The following F11 variants were observed in gnomAD, a reference collection of about 807,000 sequenced individuals.
F11 encodes coagualtion factor XI.
In F11, 78 loss-of-function variants were observed where a neutral mutation model predicts 76.5. The ratio of observed to expected loss-of-function variants is 1.02; its 90% CI spans 0.85 to 1.23. F11 has a LOEUF of 1.23. Ranked by LOEUF, F11 falls within the 50% of genes most tolerant of loss-of-function variation. The pLI is 0.00. For missense variants in F11, 742 were observed against 771.4 expected (o/e 0.96, Z 0.45); for synonymous variants, 278 against 276.3 (o/e 1.01, Z -0.06).
At chr4:186,283,964 T>G in intron 10 of F11, 128 bp from the exon 11 acceptor site, 1 of 1,450,654 alleles carries the variant, frequency 6.9e-7, no homozygotes, top group East Asian at 2.3e-5. Flanking sequence ...GATTATAAAG[T>G]CTCTGTAACT....
intron 12 of F11, 39 bp downstream of exon 12, chr4:186,285,852 G>C: frequency 6.2e-7 from 1 of 1,605,516 alleles, no homozygotes; most frequent in Non-Finnish European, 8.5e-7. Context: ...CTCCAATGGT[G>C]AACTGGATAA....
rs1741315380 is a variant in F11 at position 186,287,740 on chromosome 4, T to C, written c.1633T>C (p.Cys545Arg). The C allele has an allele frequency of 1.2e-6, 2 of 1,613,092 alleles. No homozygotes were observed. The highest frequency in any genetic ancestry group is 1.7e-6 in the Non-Finnish European group (2 of 1,179,764). The stretch of plus-strand genomic sequence containing the variant: ...GATACCCTTAGTGACCAACGAAGAG[T>C]GCCAGAAGAGATACAGAGGACATAA... ...AKIPLVTNEE[C>R]QKRYRGHKIT... The change falls in exon 14 of 15, where the codon TGC becomes CGC. Residue 545 changes from cysteine (C) to arginine (R), a missense_variant. Transcript: ENST00000403665.
At chr4:186,287,125 C>A (rs1051006543) in intron 13 of F11, among the ~76,000 whole-genome samples, 5 of 151,844 alleles carry the variant, frequency 3.3e-5, no homozygotes, top group Admixed American at 6.6e-5. Flanking sequence ...AGGTACCCAA[C>A]CACCACCCCA....
chr4:186,281,834 G>A, intron 10 of F11: 1 of 1,186,338 alleles, frequency 8.4e-7, no homozygotes, highest in South Asian at 1.6e-5. Flanking sequence ...TACCGAGAAG[G>A]CGAATCAATC....
intron 10 of F11, among the ~76,000 whole-genome samples, chr4:186,281,115 C>G (rs751447081): frequency 6.6e-6 from 1 of 152,086 alleles, no homozygotes; most frequent in Non-Finnish European, 1.5e-5. Flanking sequence ...CTTTGGCCTC[C>G]CAAAGTTCTG....
intron 6 of F11, 41 bp downstream of exon 6, chr4:186,275,937 T>C (rs959263144): frequency 6.9e-7 from 1 of 1,449,184 alleles, no homozygotes. Flanking sequence ...AACCATTAAA[T>C]ATGCTGATGA....
chr4:186,273,983 C>A, intron 4 of F11, 133 bp from the exon 5 acceptor site: 1 of 902,456 alleles, frequency 1.1e-6, no homozygotes, highest in South Asian at 1.4e-5. Context: ...AAGAATTTTG[C>A]AGATTAATAT....
chr4:186,279,471 T>C (rs1275195126), intron 7 of F11, among the ~76,000 whole-genome samples: 2 of 152,216 alleles, frequency 1.3e-5, no homozygotes, highest in Admixed American at 1.3e-4. Flanking sequence ...CACATGTAGT[T>C]GGCAGTTACT....
At chr4:186,269,225 A>G (rs1739734997) in intron 2 of F11, among the ~76,000 whole-genome samples, 1 of 152,236 alleles carries the variant, frequency 6.6e-6, no homozygotes, top group Non-Finnish European at 1.5e-5. Context: ...TCAAAAATCA[A>G]TAGATGTGTG....
chr4:186,274,242 A>G lies in F11; in HGVS notation c.452A>G (p.Tyr151Cys), dbSNP rs281875273. 1.4e-5 allele frequency: 22 copies of G among 1,614,228 alleles called. No individual in the cohort carries two copies. Among genetic ancestry groups the G allele is most frequent in the Non-Finnish European group, 1.9e-5 (22 of 1,180,034 alleles). ...TDDVHCHFFT[Y>C]ATRQFPSLEH... The stretch of plus-strand genomic sequence containing the variant: ...GACGTCCACTGCCACTTTTTCACGT[A>G]CGCCACAAGGCAGTTTCCCAGCCTG... The change falls in exon 5 of 15, where the codon TAC becomes TGC. Residue 151 changes from tyrosine to cysteine, a missense_variant. Transcript: ENST00000403665.
In F11 at chr4:186,289,030, T is replaced by C. The variant is rs1287159915; in HGVS notation, c.*416T>C. The C allele has an allele frequency of 5.0e-6, 1 of 198,930 alleles. No homozygotes were observed. The highest frequency in any genetic ancestry group is 1.0e-5 in the Non-Finnish European group (1 of 96,990). 12.3% of individuals were successfully genotyped at this position (198,930 alleles called of 1,614,324 possible). A position where few individuals can be genotyped will look rare whatever the true frequency, so the allele number is the denominator to read the frequency against. ...GGAAGAAAGGAGAACAAAGACAGTC[T>C]TCACCATTTTGCAGGAATCTACACT... On this transcript the variant is annotated 3_prime_UTR_variant, in exon 15 of 15. Transcript: ENST00000403665.
In F11 at chr4:186,276,292, G is replaced by A. The variant is rs1740374755; in HGVS notation, c.657G>A (p.Met219Ile). Reference protein sequence around the residue: ...VFADSNIDSVMAPDAFVCGRI... With the variant: ...VFADSNIDSVIAPDAFVCGRI... ...CAGACAGCAACATCGACAGTGTCAT[G>A]GCTCCCGATGCTTTTGTCTGTGGCC... The change falls in exon 7 of 15, where the codon ATG (methionine) becomes ATA (isoleucine). Residue 219 changes from methionine to isoleucine, a missense_variant. Transcript: ENST00000403665. The A allele has an allele frequency of 6.2e-7, 1 of 1,614,086 alleles. No individual in the cohort carries two copies. The highest frequency in any genetic ancestry group is 8.5e-7 in the Non-Finnish European group (1 of 1,180,012).
At position 186,270,305 on chromosome 4, in the gene F11, T is replaced by C. The variant is rs370326063; in HGVS notation, c.56-1304T>C. ...ATGTGTTCCATGTGTTCCACATCCA[T>C]GCACTCAAACAACCTTGACGTGAAA... is the stretch of plus-strand genomic sequence containing the variant. On this transcript the variant is annotated intron_variant, in intron 2 of 14. Coordinates refer to ENST00000403665, the MANE Select transcript of F11 (RefSeq NM_000128.4). 3.9e-5 allele frequency among the ~76,000 whole-genome samples: 6 copies of C among 152,354 alleles called. No individual in the cohort carries two copies. In the East Asian group the frequency reaches 5.8e-4, roughly 15 times the overall value.
chr4:186,267,998 T>C (rs887265664), intron 2 of F11, among the ~76,000 whole-genome samples: 6 of 152,214 alleles, frequency 3.9e-5, no homozygotes, highest in African/African-American at 1.4e-4. Flanking sequence ...CTGGAAATTG[T>C]ATTGTTATTT....
At chr4:186,273,221 C>A in intron 4 of F11, 44 bp downstream of exon 4, 1 of 1,361,342 alleles carries the variant, frequency 7.3e-7, no homozygotes, top group South Asian at 1.2e-5. Flanking sequence ...CTGTGATGTA[C>A]ACATATCGCC....
rs1037131052 is a variant in F11 at position 186,284,121 on chromosome 4, G to A, written c.1165G>A (p.Val389Ile). The A allele has an allele frequency of 5.6e-6, 9 of 1,614,216 alleles. No homozygotes were observed. The highest frequency in any genetic ancestry group is 4.5e-5 in the East Asian group (2 of 44,874). Residue 389 changes from valine (V) to isoleucine (I), a missense_variant, in exon 11 of 15, where the codon GTT becomes ATT. Physicochemically the swap from Val to Ile is conservative, Grantham distance 29. Coordinates refer to ENST00000403665, the MANE Select transcript of F11 (RefSeq NM_000128.4). ...TACCACCAAAATCAAGCCCAGGATCGTTGGAGGAACTGCGTCTGTTCGTGG... is the reference window on the plus strand; with the variant it reads ...TACCACCAAAATCAAGCCCAGGATCATTGGAGGAACTGCGTCTGTTCGTGG... ...ECTTKIKPRI[V>I]GGTASVRGEW...
chr4:186,286,289 A>T, intron 12 of F11, 126 bp from the exon 13 acceptor site: 1 of 973,796 alleles, frequency 1.0e-6, no homozygotes, highest in Non-Finnish European at 1.6e-6. Context: ...AATACACGAC[A>T]ACAAGGCAAA....
intron 2 of F11, among the ~76,000 whole-genome samples, chr4:186,267,561 G>A (rs1041277712): frequency 1.3e-5 from 2 of 152,302 alleles, no homozygotes; most frequent in East Asian, 1.9e-4. Flanking sequence ...TAGGAATTTT[G>A]TACTGAAAAA....
chr4:186,267,096 A>G (rs753664257), intron 1 of F11, 40 bp from the exon 2 acceptor site: 2 of 1,334,566 alleles, frequency 1.5e-6, no homozygotes, highest in East Asian at 2.3e-5. Context: ...ATAAATTTAC[A>G]TTTTATGTTC....
Sources: allele counts gnomAD v4.1 joint callset (sites outside exome capture counted in the v4.1 genomes callset), GRCh38; gene constraint gnomAD v4.1.1; transcripts MANE v1.5; gene names NCBI Gene and HGNC (gene_info 2026-07-23, HGNC 2026-07-21).